Variants in CACNB4 observed in about 807,000 individuals in gnomAD.
The protein encoded by CACNB4 is calcium voltage-gated channel auxiliary subunit beta 4.
A neutral mutation model predicts 71.2 loss-of-function variants in CACNB4; 32 were observed. That is an observed-to-expected ratio of 0.45 (90% CI 0.34 to 0.60). The LOEUF (loss-of-function observed/expected upper bound fraction) is 0.60. Ranked by LOEUF, CACNB4 falls within the 20% of genes least tolerant of loss-of-function variation. The pLI is 0.01. For synonymous variants in CACNB4, 231 were observed against 236.9 expected (o/e 0.97, Z 0.23); for missense variants, 464 against 647.9 (o/e 0.72, Z 3.08).
intron 2 of CACNB4, among the ~76,000 whole-genome samples, chr2:151,937,081 C>T (rs1294060968): frequency 1.3e-5 from 2 of 152,222 alleles, no homozygotes; most frequent in Non-Finnish European, 2.9e-5. Context: ...GCACAAATTA[C>T]ATTTCAACCC....
At chr2:151,857,313 A>G (rs2099840559) in intron 10 of CACNB4, 1 of 152,238 alleles carries the variant, frequency 6.6e-6, no homozygotes, top group African/African-American at 2.4e-5. Flanking sequence ...TGAAGAGTCA[A>G]CATATCACTT....
intron 2 of CACNB4, among the ~76,000 whole-genome samples, chr2:152,071,649 G>A (rs1250693667): frequency 6.6e-6 from 1 of 152,156 alleles, no homozygotes; most frequent in Non-Finnish European, 1.5e-5. Flanking sequence ...GATGTTTATT[G>A]CAGGTTTTTA....
intron 2 of CACNB4, among the ~76,000 whole-genome samples, chr2:151,948,658 CA>C (rs111874098): frequency 0.07 from 9,802 of 140,588 alleles, 1,016 homozygotes; most frequent in African/African-American, 0.24. Flanking sequence ...GAGATCCTGT[CA>C]AAAAAAAAAA....
intron 2 of CACNB4, among the ~76,000 whole-genome samples, chr2:151,961,426 T>C (rs2099869617): frequency 6.6e-6 from 1 of 152,238 alleles, no homozygotes; most frequent in South Asian, 2.1e-4. Flanking sequence ...GCTAGACATT[T>C]TGTTGAAGTG....
chr2:152,074,442 G>C (rs1019470500), intron 2 of CACNB4, among the ~76,000 whole-genome samples: 18 of 145,010 alleles, frequency 1.2e-4, no homozygotes, highest in Non-Finnish European at 2.0e-4. Flanking sequence ...CCATCACCAA[G>C]CCATCGTGGC....
rs543375839 is a variant in CACNB4 at position 151,981,971 on chromosome 2, C to T, written c.148-98601G>A. The stretch of plus-strand genomic sequence containing the variant: ...AAGCAGATCTAAAGCTTTTAAAGTA[C>T]TGCTAAACATGGATAGAATTATCTC... On this transcript the variant is annotated intron_variant, in intron 2 of 13. Coordinates refer to ENST00000539935, the MANE Select transcript of CACNB4 (RefSeq NM_000726.5). Among the ~76,000 whole-genome samples the T allele has an allele frequency of 2.6e-5, 4 of 152,250 alleles. No homozygotes were observed. The South Asian group carries it at 8.3e-4, about 32-fold the overall frequency.
intron 6 of CACNB4, chr2:151,872,079 T>A (rs1464037750): frequency 3.7e-6 from 1 of 269,678 alleles, no homozygotes; most frequent in African/African-American, 2.4e-5. Flanking sequence ...CTGCATCATT[T>A]TTTTCCTTTT....
intron 2 of CACNB4, among the ~76,000 whole-genome samples, chr2:152,067,044 A>G (rs1015425986): frequency 1.3e-5 from 2 of 148,998 alleles, no homozygotes; most frequent in African/African-American, 5.0e-5. Flanking sequence ...ACCTAATGCT[A>G]GATGACGAGT....
chr2:151,963,093 A>G (rs1461848895), intron 2 of CACNB4, among the ~76,000 whole-genome samples: 1 of 152,088 alleles, frequency 6.6e-6, no homozygotes, highest in Non-Finnish European at 1.5e-5. Flanking sequence ...CGGGCAGATC[A>G]CAAGGTCAGG....
At chr2:151,985,802 G>A (rs140668403) in intron 2 of CACNB4, among the ~76,000 whole-genome samples, 5 of 152,148 alleles carry the variant, frequency 3.3e-5, no homozygotes, top group African/African-American at 1.2e-4. Context: ...AGAGACTGTG[G>A]TGTTCATGTC....
At chr2:151,950,379 C>T (rs1328898250) in intron 2 of CACNB4, among the ~76,000 whole-genome samples, 1 of 152,192 alleles carries the variant, frequency 6.6e-6, no homozygotes, top group Non-Finnish European at 1.5e-5. Flanking sequence ...AAACTAATGG[C>T]CCATGCTTCA....
At chr2:151,890,537 A>G (rs10184416) in intron 2 of CACNB4, among the ~76,000 whole-genome samples, 32,198 of 152,140 alleles carry the variant, frequency 0.21, 3,632 homozygotes, top group Middle Eastern at 0.39. Context: ...CTCATAGGTC[A>G]CTACATGGGG....
At chr2:152,024,038 G>A (rs1017384252) in intron 2 of CACNB4, among the ~76,000 whole-genome samples, 8 of 152,208 alleles carry the variant, frequency 5.3e-5, no homozygotes, top group Non-Finnish European at 1.0e-4. Context: ...AACCAGTGTT[G>A]GCTGGGCACA....
chr2:151,979,779 T>C (rs936061756), intron 2 of CACNB4, among the ~76,000 whole-genome samples: 6 of 152,130 alleles, frequency 3.9e-5, no homozygotes, highest in African/African-American at 1.4e-4. Context: ...AAGACAGAAA[T>C]TGAACCAAGG....
intron 2 of CACNB4, among the ~76,000 whole-genome samples, chr2:151,916,114 T>A (rs1304020112): frequency 6.6e-6 from 1 of 152,188 alleles, no homozygotes; most frequent in Non-Finnish European, 1.5e-5. Flanking sequence ...GATACCTGGT[T>A]GCCAGTGAAG....
At position 152,065,557 on chromosome 2, in the gene CACNB4, A is replaced by T. The variant is rs372311411; in HGVS notation, c.147+32773T>A. Among the ~76,000 whole-genome samples the T allele has an allele frequency of 5.2e-4, 79 of 152,334 alleles. 1 individual carries two copies. The South Asian group carries it at 0.016, about 30-fold the overall frequency. ...GTTTTAGCAATGTGCTACTTTGACT[A>T]GGTCTTGAAGGACTTCACACAGGAC... On this transcript the variant is annotated intron_variant, in intron 2 of 13. Transcript: ENST00000539935.
intron 2 of CACNB4, among the ~76,000 whole-genome samples, chr2:152,024,140 T>C (rs1305696083): frequency 6.6e-6 from 1 of 152,130 alleles, no homozygotes; most frequent in East Asian, 1.9e-4. Flanking sequence ...GGTAATATAA[T>C]GAGACCTGTC....
chr2:152,040,830 A>G (rs868471659), intron 2 of CACNB4, among the ~76,000 whole-genome samples: 11 of 152,358 alleles, frequency 7.2e-5, no homozygotes, highest in African/African-American at 2.6e-4. Flanking sequence ...ATCTAAATGC[A>G]TATGCTGCCG....
At chr2:151,973,524 A>T in intron 2 of CACNB4, 5 of 716,740 alleles carry the variant, frequency 7.0e-6, no homozygotes, top group Non-Finnish European at 1.2e-5. Flanking sequence ...ACATTTACAC[A>T]GCAGCCAGCA....
Sources: allele counts gnomAD v4.1 joint callset (sites outside exome capture counted in the v4.1 genomes callset), GRCh38; gene constraint gnomAD v4.1.1; transcripts MANE v1.5; gene names NCBI Gene and HGNC (gene_info 2026-07-23, HGNC 2026-07-21).